Variants in KSR1 observed in about 807,000 individuals in gnomAD.
KSR1 encodes the protein kinase suppressor of ras 1.
KSR1 carries 35 observed loss-of-function variants against 92.9 expected under a neutral mutation model. That is an observed-to-expected ratio of 0.38 (90% CI 0.29 to 0.50). KSR1 has a LOEUF of 0.50. KSR1 is among the 20% of genes least tolerant of loss of function. The pLI, the probability that KSR1 is intolerant of heterozygous loss-of-function variation, is 0.94. For synonymous variants in KSR1, 467 were observed against 472.6 expected, an observed-to-expected ratio of 0.99 and a Z score of 0.15; for missense variants, 972 against 1,158.5, an observed-to-expected ratio of 0.84 and a Z score of 2.34.
intron 1 of KSR1, among the ~76,000 whole-genome samples, chr17:27,530,608 C>T (rs978168551): frequency 3.9e-5 from 6 of 152,266 alleles, no homozygotes; most frequent in African/African-American, 1.2e-4. Context: ...GCACCAGCAC[C>T]CTCCCTTTTC....
At chr17:27,590,185 A>T (rs758368637) in intron 6 of KSR1, among the ~76,000 whole-genome samples, 1 of 152,176 alleles carries the variant, frequency 6.6e-6, no homozygotes, top group Non-Finnish European at 1.5e-5. Flanking sequence ...AGTGGTTACT[A>T]TTCACTTCTA....
At chr17:27,572,146 A>C (rs893028469) in intron 2 of KSR1, among the ~76,000 whole-genome samples, 2 of 152,262 alleles carry the variant, frequency 1.3e-5, no homozygotes, top group African/African-American at 2.4e-5. Flanking sequence ...CTCAGCACTC[A>C]ACTGGCCCTG....
chr17:27,502,617 C>CA (rs1337694521), intron 1 of KSR1, among the ~76,000 whole-genome samples: 5 of 152,236 alleles, frequency 3.3e-5, no homozygotes, highest in Admixed American at 3.3e-4. Flanking sequence ...AGTCCCATGT[C>CA]AGGAGCCCTC....
rs2074321721 is a variant in KSR1, at chr17:27,625,483, G to C, written c.*2091G>C. On this transcript the variant is annotated 3_prime_UTR_variant, in exon 21 of 21. Transcript: ENST00000644974. ...CTGCTCTTAAGGAACTGATGACCTG[G>C]TGGGGCCCTGTTGTCTTCAAGGAAC... 6.6e-6 allele frequency: 1 copy of C among 152,266 alleles called. No homozygotes were observed. Among genetic ancestry groups the C allele is most frequent in the African/African-American group, 2.4e-5 (1 of 41,466 alleles). The allele number at this position is 152,266 out of a possible 1,614,324, so 9.4% of individuals were successfully genotyped here.
chr17:27,539,151 C>A (rs1488574475), intron 1 of KSR1, among the ~76,000 whole-genome samples: 2 of 152,218 alleles, frequency 1.3e-5, no homozygotes, highest in Admixed American at 1.3e-4. Flanking sequence ...AATTCACACC[C>A]AGGTGCCTTT....
chr17:27,603,949 TA>T, intron 12 of KSR1, 61 bp downstream of exon 12: 1 of 1,537,872 alleles, frequency 6.5e-7, no homozygotes, highest in Non-Finnish European at 9.0e-7. Context: ...GCTGGATCCA[TA>T]TCCCTGGCCA....
At chr17:27,486,902 C>T (rs1224774817) in intron 1 of KSR1, among the ~76,000 whole-genome samples, 6 of 152,312 alleles carry the variant, frequency 3.9e-5, no homozygotes, top group Admixed American at 2.0e-4. Flanking sequence ...AGACCCTCTG[C>T]GCTGCAGTGT....
At chr17:27,609,603 G>A (rs1010459743) in intron 16 of KSR1, among the ~76,000 whole-genome samples, 10 of 152,324 alleles carry the variant, frequency 6.6e-5, no homozygotes, top group South Asian at 2.1e-4. Flanking sequence ...ATTTCCCCAC[G>A]ATGAGGAAGA....
intron 3 of KSR1, chr17:27,579,781 T>C (rs1449746082): frequency 7.1e-6 from 1 of 140,214 alleles, no homozygotes; most frequent in Non-Finnish European, 1.5e-5. Context: ...GAAGCTGAGG[T>C]GGGAGCATGG....
intron 1 of KSR1, among the ~76,000 whole-genome samples, chr17:27,506,308 C>G (rs924870761): frequency 3.3e-5 from 5 of 152,202 alleles, no homozygotes; most frequent in Admixed American, 2.6e-4. Context: ...CCCTCACTTT[C>G]TCTCGTAGCA....
chr17:27,511,581 G>A (rs573050429), intron 1 of KSR1, among the ~76,000 whole-genome samples: 22 of 152,348 alleles, frequency 1.4e-4, no homozygotes, highest in Middle Eastern at 3.4e-3. Context: ...TGCAGGACCT[G>A]GGGCGAGGTG....
At chr17:27,488,577 T>C (rs2068733829) in intron 1 of KSR1, among the ~76,000 whole-genome samples, 1 of 152,174 alleles carries the variant, frequency 6.6e-6, no homozygotes, top group Non-Finnish European at 1.5e-5. Flanking sequence ...GTGGCTCACT[T>C]TGGGAGCACT....
intron 1 of KSR1, among the ~76,000 whole-genome samples, chr17:27,532,100 C>T (rs1180075559): frequency 6.6e-6 from 1 of 152,202 alleles, no homozygotes; most frequent in Non-Finnish European, 1.5e-5. Flanking sequence ...TCATCTATTT[C>T]TGTGAGATGA....
intron 1 of KSR1, among the ~76,000 whole-genome samples, chr17:27,485,756 A>G (rs1469383604): frequency 6.6e-6 from 1 of 151,984 alleles, no homozygotes; most frequent in African/African-American, 2.4e-5. Flanking sequence ...GTGGGTGGGG[A>G]ATGGGCCTTG....
chr17:27,496,004 G>A (rs755601024), intron 1 of KSR1, among the ~76,000 whole-genome samples: 3 of 152,198 alleles, frequency 2.0e-5, no homozygotes, highest in Non-Finnish European at 4.4e-5. Context: ...CAGATAGTAA[G>A]TGCTTCTGGA....
chr17:27,539,536 C>G (rs994587963), intron 1 of KSR1, among the ~76,000 whole-genome samples: 3 of 152,212 alleles, frequency 2.0e-5, no homozygotes, highest in Non-Finnish European at 2.9e-5. Context: ...ATTATGGACC[C>G]CTGCCGCTTA....
chr17:27,611,108 G>A (rs1335196156), intron 17 of KSR1, among the ~76,000 whole-genome samples: 1 of 152,196 alleles, frequency 6.6e-6, no homozygotes, highest in African/African-American at 2.4e-5. Context: ...GCACCCATGT[G>A]TGCCAGGTGC....
At chr17:27,496,234 C>T (rs529041933) in intron 1 of KSR1, among the ~76,000 whole-genome samples, 4 of 152,220 alleles carry the variant, frequency 2.6e-5, no homozygotes, top group Admixed American at 1.3e-4. Context: ...AGGGAGATGC[C>T]TCATCTCCAG....
chr17:27,501,284 C>CTTTTTTTTT (rs2069171184), intron 1 of KSR1, among the ~76,000 whole-genome samples: 1 of 48,288 alleles, frequency 2.1e-5, no homozygotes, highest in Non-Finnish European at 4.3e-5. Context: ...TTTTTAATTT[C>CTTTTTTTTT]TTTTCTTCTT....
Sources: allele counts gnomAD v4.1 joint callset (sites outside exome capture counted in the v4.1 genomes callset), GRCh38; gene constraint gnomAD v4.1.1; transcripts MANE v1.5; gene names NCBI Gene and HGNC (gene_info 2026-07-23, HGNC 2026-07-21).